The following DAB1 variants were observed in gnomAD, a reference collection of about 807,000 sequenced individuals.
DAB1 encodes DAB adaptor protein 1.
A neutral mutation model predicts 64.6 loss-of-function variants in DAB1; 15 were observed. The ratio of observed to expected loss-of-function variants is 0.23; its 90% confidence interval spans 0.16 to 0.36. DAB1 has a LOEUF of 0.36. DAB1 is among the 10% of genes least tolerant of loss of function. DAB1 has a pLI of 1.00. For synonymous variants in DAB1, 235 were observed against 251.9 expected (o/e 0.93, Z 0.64); for missense variants, 596 against 706.7 (o/e 0.84, Z 1.78).
intron 4 of DAB1, among the ~76,000 whole-genome samples, chr1:58,299,375 T>C (rs1014548277): frequency 9.9e-5 from 15 of 152,198 alleles, no homozygotes; most frequent in African/African-American, 3.6e-4. Flanking sequence ...GCACTTTCAA[T>C]GAGGTGTGCA....
chr1:57,956,782 T>A (rs748430168), intron 5 of DAB1, among the ~76,000 whole-genome samples: 7 of 152,210 alleles, frequency 4.6e-5, no homozygotes, highest in African/African-American at 9.6e-5. Flanking sequence ...AGAAAAATCA[T>A]ATGCAACTGA....
chr1:57,313,876 G>C (rs72674837), intron 1 of DAB1, among the ~76,000 whole-genome samples: 1 of 152,082 alleles, frequency 6.6e-6, no homozygotes, highest in African/African-American at 2.4e-5. Flanking sequence ...CCTCAGAGAA[G>C]TCCCTCACCC....
chr1:57,290,835 A>G (rs1309876614), intron 2 of DAB1, 129 bp downstream of exon 2: 87 of 577,650 alleles, frequency 1.5e-4, no homozygotes, highest in Non-Finnish European at 8.9e-6. Context: ...TATTAACACA[A>G]AACACACAAA....
chr1:58,388,648 C>T (rs1447865910), intron 3 of DAB1, among the ~76,000 whole-genome samples: 1 of 152,216 alleles, frequency 6.6e-6, no homozygotes, highest in Non-Finnish European at 1.5e-5. Context: ...AAAAATCTTC[C>T]ATTTAGTTAA....
chr1:58,336,123 G>A (rs552048946), intron 4 of DAB1, among the ~76,000 whole-genome samples: 5 of 152,322 alleles, frequency 3.3e-5, no homozygotes, highest in South Asian at 4.2e-4. Context: ...TGACATGCAC[G>A]GGATCAGGCA....
rs552560309 is a variant in DAB1 at position 56,995,772 on chromosome 1, C to G, written c.*2372G>C. ...CAACAAAGCAATTTAAGCAATTTCC[C>G]ATGGGAACTGCCTATCTTACCAAAT... On this transcript the variant is annotated 3_prime_UTR_variant, in exon 15 of 15. Coordinates refer to ENST00000371236, the MANE Select transcript of DAB1 (RefSeq NM_001365792.1). The G allele has an allele frequency of 2.6e-5, 4 of 152,156 alleles. No individual in the cohort carries two copies. Among genetic ancestry groups the G allele is most frequent in the African/African-American group, 9.7e-5 (4 of 41,438 alleles). The allele number at this position is 152,156 out of a possible 1,614,324, so 9.4% of individuals were successfully genotyped here. A position where few individuals can be genotyped will look rare whatever the true frequency, so the allele number is the denominator to read the frequency against.
chr1:57,124,215 TGAA>T (rs1656924072), intron 4 of DAB1, among the ~76,000 whole-genome samples: 1 of 152,164 alleles, frequency 6.6e-6, no homozygotes, highest in Non-Finnish European at 1.5e-5. Context: ...TTGTATCAGA[TGAA>T]GAAGTTTTTG....
chr1:58,226,017 C>T (rs1659461026), intron 4 of DAB1, among the ~76,000 whole-genome samples: 1 of 146,554 alleles, frequency 6.8e-6, no homozygotes, highest in African/African-American at 2.5e-5. Context: ...GCTAAATTCA[C>T]AAGGGAGCTT....
At chr1:58,241,276 T>C (rs1479280775) in intron 4 of DAB1, among the ~76,000 whole-genome samples, 6 of 151,994 alleles carry the variant, frequency 3.9e-5, no homozygotes, top group African/African-American at 2.4e-5. Flanking sequence ...TGTGATGCCA[T>C]ATACACAAAT....
intron 2 of DAB1, among the ~76,000 whole-genome samples, chr1:57,169,321 G>A (rs1661508213): frequency 6.6e-6 from 1 of 152,002 alleles, no homozygotes; most frequent in African/African-American, 2.4e-5. Context: ...CAAGGGCCAG[G>A]ATTTGTGCTA....
intron 3 of DAB1, among the ~76,000 whole-genome samples, chr1:58,415,741 C>T (rs1020112600): frequency 3.3e-5 from 5 of 152,186 alleles, no homozygotes; most frequent in Non-Finnish European, 7.3e-5. Context: ...CTGAACATAG[C>T]AGCATCTCTG....
intron 5 of DAB1, among the ~76,000 whole-genome samples, chr1:57,981,991 C>A (rs1041171820): frequency 6.6e-6 from 1 of 152,202 alleles, no homozygotes; most frequent in African/African-American, 2.4e-5. Context: ...CAGCTAACTG[C>A]ATACTGCCTT....
intron 9 of DAB1, among the ~76,000 whole-genome samples, chr1:57,042,806 T>C (rs1647956492): frequency 6.6e-6 from 1 of 152,070 alleles, no homozygotes; most frequent in Non-Finnish European, 1.5e-5. Flanking sequence ...TTTCAAATGC[T>C]TGGCATGTAT....
At chr1:57,787,016 G>T (rs1056559617) in intron 6 of DAB1, among the ~76,000 whole-genome samples, 2 of 151,608 alleles carry the variant, frequency 1.3e-5, no homozygotes, top group Non-Finnish European at 2.9e-5. Flanking sequence ...ATTCAGAAAA[G>T]ACCTAAATAA....
intron 4 of DAB1, among the ~76,000 whole-genome samples, chr1:57,087,416 A>G (rs1209055973): frequency 6.6e-6 from 1 of 152,208 alleles, no homozygotes; most frequent in Non-Finnish European, 1.5e-5. Context: ...TCACCAAGGG[A>G]GAAGGGGAGA....
chr1:57,405,655 T>C (rs1248411578), intron 1 of DAB1, among the ~76,000 whole-genome samples: 2 of 152,204 alleles, frequency 1.3e-5, no homozygotes, highest in Admixed American at 6.5e-5. Flanking sequence ...ATTCTGTTAC[T>C]GCAACCATCA....
intron 5 of DAB1, among the ~76,000 whole-genome samples, chr1:57,960,162 C>T (rs1033228376): frequency 1.3e-5 from 2 of 152,044 alleles, no homozygotes; most frequent in African/African-American, 4.8e-5. Flanking sequence ...AAGCCCAGGC[C>T]GTGTGGCAAT....
At chr1:57,760,775 G>A (rs976081506) in intron 6 of DAB1, among the ~76,000 whole-genome samples, 1 of 152,100 alleles carries the variant, frequency 6.6e-6, no homozygotes, top group African/African-American at 2.4e-5. Context: ...CTTAGACCAA[G>A]AGGCTGGCCA....
chr1:57,664,853 T>C (rs1436579915), intron 6 of DAB1, among the ~76,000 whole-genome samples: 2 of 152,062 alleles, frequency 1.3e-5, no homozygotes, highest in African/African-American at 4.8e-5. Context: ...ATGATGAGCC[T>C]ACTTTTGTAA....
Sources: gnomAD v4.1 joint callset for allele counts (sites outside exome capture counted in the v4.1 genomes callset) on GRCh38, gnomAD v4.1.1 for gene constraint, MANE v1.5 for transcripts, NCBI Gene and HGNC (gene_info 2026-07-23, HGNC 2026-07-21) for gene names.